Variants in TXK observed in about 807,000 individuals in gnomAD.
TXK encodes tyrosine-protein kinase TXK.
In TXK, 60 loss-of-function variants were observed where a neutral mutation model predicts 81.0. The ratio of observed to expected loss-of-function variants is 0.74; its 90% CI spans 0.60 to 0.92. The LOEUF (loss-of-function observed/expected upper bound fraction) is 0.92. Among genes scored for constraint, TXK ranks in the 40% least tolerant of loss-of-function variants. The pLI, the probability that TXK is intolerant of heterozygous loss-of-function variation, is 0.00. For synonymous variants in TXK, 203 were observed against 210.7 expected, an observed-to-expected ratio of 0.96 and a Z score of 0.32; for missense variants, 581 against 638.3, an observed-to-expected ratio of 0.91 and a Z score of 0.97.
At chr4:48,083,451 A>G (rs1717387939) in intron 10 of TXK, among the ~76,000 whole-genome samples, 1 of 152,214 alleles carries the variant, frequency 6.6e-6, no homozygotes, top group Admixed American at 6.5e-5. Flanking sequence ...TACATTTTGT[A>G]GGCCGATCAC....
intron 11 of TXK, among the ~76,000 whole-genome samples, chr4:48,077,519 GA>G (rs33987400): frequency 2.0e-5 from 3 of 149,116 alleles, no homozygotes; most frequent in African/African-American, 7.4e-5. Context: ...GAGCAAACAA[GA>G]AAAAAAAAAC....
intron 8 of TXK, among the ~76,000 whole-genome samples, chr4:48,093,251 C>T (rs1717848140): frequency 6.6e-6 from 1 of 152,156 alleles, no homozygotes; most frequent in Admixed American, 6.5e-5. Context: ...ATACTTAGAA[C>T]CAGTGTAATG....
intron 7 of TXK, 27 bp from the exon 8 acceptor site, chr4:48,094,231 A>G (rs1280815847): frequency 1.2e-6 from 2 of 1,609,876 alleles, no homozygotes; most frequent in South Asian, 1.1e-5. Flanking sequence ...GTGAATTACT[A>G]GAAATGTGAA....
chr4:48,088,420 G>A (rs1038067503), intron 9 of TXK, among the ~76,000 whole-genome samples: 36 of 152,068 alleles, frequency 2.4e-4, no homozygotes, highest in African/African-American at 8.4e-4. Context: ...GTAACAACCC[G>A]AATGGCCATC....
At chr4:48,090,164 A>C (rs1717709712) in intron 8 of TXK, among the ~76,000 whole-genome samples, 1 of 152,234 alleles carries the variant, frequency 6.6e-6, no homozygotes, top group African/African-American at 2.4e-5. Flanking sequence ...ATTTTGCAGA[A>C]ATATAAATAT....
chr4:48,124,878 G>C (rs1289040395), intron 1 of TXK, among the ~76,000 whole-genome samples: 2 of 152,146 alleles, frequency 1.3e-5, no homozygotes, highest in Non-Finnish European at 2.9e-5. Context: ...GGTTCAGCAG[G>C]CTTTAGTATC....
At chr4:48,095,944 T>C (rs1213185054) in intron 6 of TXK, among the ~76,000 whole-genome samples, 1 of 152,250 alleles carries the variant, frequency 6.6e-6, no homozygotes, top group Admixed American at 6.5e-5. Context: ...GATTTAGCTT[T>C]ACTGAGTGTG....
intron 13 of TXK, among the ~76,000 whole-genome samples, chr4:48,071,889 C>T (rs1054688258): frequency 6.6e-6 from 1 of 152,008 alleles, no homozygotes; most frequent in Non-Finnish European, 1.5e-5. Flanking sequence ...GAAAACAATG[C>T]CTTTCCTTGT....
chr4:48,133,029 A>C (rs1243138461), intron 1 of TXK, among the ~76,000 whole-genome samples: 4 of 152,148 alleles, frequency 2.6e-5, no homozygotes, highest in Non-Finnish European at 1.5e-5. Flanking sequence ...TCAAAGGCAC[A>C]ATTTTCTTAT....
At chr4:48,114,003 A>G (rs570825089) in intron 2 of TXK, among the ~76,000 whole-genome samples, 12 of 152,306 alleles carry the variant, frequency 7.9e-5, no homozygotes, top group Admixed American at 7.2e-4. Flanking sequence ...AGTTTTGGGG[A>G]GATAGATAAC....
chr4:48,073,831 A>C (rs895841441), intron 13 of TXK, 104 bp downstream of exon 13: 5 of 790,644 alleles, frequency 6.3e-6, no homozygotes, highest in Admixed American at 2.4e-5. Flanking sequence ...TTACAAGAAG[A>C]CTTTTTAAAA....
Position 48,110,619 on chromosome 4 carries a change from A to G in TXK, c.381-16T>C, listed in dbSNP as rs144639313. 8.4e-4 allele frequency: 1,346 copies of G among 1,606,264 alleles called. 11 individuals are homozygous for G. The African/African-American group carries it at 0.017, about 20-fold the overall frequency. ...GCCTTCATTCCTACAACAAAAGAAA[A>G]AGCAAAAATCAAAATGCTTGGCATG... On this transcript the variant is annotated splice_polypyrimidine_tract_variant and intron_variant, in intron 4 of 14. Coordinates refer to ENST00000264316, the MANE Select transcript of TXK (RefSeq NM_003328.3).
chr4:48,120,050 C>A lies in TXK; in HGVS notation c.17-5648G>T, dbSNP rs1185544013. Among the ~76,000 whole-genome samples, 19 of 146,878 alleles carry A rather than the reference C, an allele frequency of 1.3e-4. No homozygotes were observed. The Admixed American group carries it at 1.3e-3, about 10-fold the overall frequency. On this transcript the variant is annotated intron_variant, in intron 1 of 14. Coordinates refer to ENST00000264316, the MANE Select transcript of TXK (RefSeq NM_003328.3). ...TCCTTCTCCTATATCACCATTTTTCCCCCTCTACTGGATCATCAGCATATA... is the reference window on the plus strand; with the variant it reads ...TCCTTCTCCTATATCACCATTTTTCACCCTCTACTGGATCATCAGCATATA...
chr4:48,103,970 A>C (rs1485349669), intron 6 of TXK, among the ~76,000 whole-genome samples: 5 of 151,456 alleles, frequency 3.3e-5, no homozygotes, highest in African/African-American at 4.9e-5. Flanking sequence ...TGGGAGGCCA[A>C]GCCGGGCTGA....
chr4:48,090,043 A>T (rs1717703015), intron 8 of TXK, among the ~76,000 whole-genome samples: 1 of 152,220 alleles, frequency 6.6e-6, no homozygotes, highest in Non-Finnish European at 1.5e-5. Flanking sequence ...AGATGACCCT[A>T]AAAAATCCCT....
intron 1 of TXK, among the ~76,000 whole-genome samples, chr4:48,130,326 G>A (rs571538998): frequency 5.0e-4 from 76 of 152,294 alleles, no homozygotes; most frequent in African/African-American, 1.8e-3. Flanking sequence ...GTTTAGCTGA[G>A]TGCTTGTGTC....
In TXK at chr4:48,094,077, C is replaced by G. The variant is rs755368214; in HGVS notation, c.709G>C (p.Gly237Arg). 3 of 1,613,258 alleles carry G rather than the reference C, an allele frequency of 1.9e-6. No homozygotes were observed. The East Asian group carries it at 6.7e-5, about 36-fold the overall frequency. The stretch of plus-strand genomic sequence containing the variant: ...ACCCAGCTGGAAGTTCCCCTCTTAC[C>G]GGCTGCATTGTGCTGGTGATACCAG... ...LIWYHQHNAA[G>R]LMTRLRYPVG... is the part of the protein sequence containing the mutation. The change falls in exon 8 of 15, where the codon GGT becomes CGT. Residue 237 changes from glycine (G) to arginine (R), a missense_variant and splice_region_variant. Transcript: ENST00000264316.
At chr4:48,120,334 A>T (rs1318106996) in intron 1 of TXK, among the ~76,000 whole-genome samples, 1 of 149,968 alleles carries the variant, frequency 6.7e-6, no homozygotes, top group African/African-American at 2.4e-5. Flanking sequence ...ATACGTATAT[A>T]TACACATATA....
chr4:48,100,171 C>CAAAA (rs11341305), intron 6 of TXK, among the ~76,000 whole-genome samples: 2,595 of 53,896 alleles, frequency 0.048, 192 homozygotes, highest in Middle Eastern at 0.12. Flanking sequence ...GACTCCATCT[C>CAAAA]AAAAAAAAAA....
Sources: gnomAD v4.1 joint callset for allele counts (sites outside exome capture counted in the v4.1 genomes callset) on GRCh38, gnomAD v4.1.1 for gene constraint, MANE v1.5 for transcripts, NCBI Gene and HGNC (gene_info 2026-07-23, HGNC 2026-07-21) for gene names.